ZMAT5: variants seen among roughly 807,000 people sequenced by gnomAD.
The protein encoded by ZMAT5 is zinc finger matrin-type protein 5.
ZMAT5 carries 23 observed loss-of-function variants against 28.0 expected under a neutral mutation model. That is an observed-to-expected ratio of 0.82 (90% confidence interval 0.59 to 1.16). The LOEUF (loss-of-function observed/expected upper bound fraction) is 1.16. Ranked by LOEUF, ZMAT5 falls within the 50% of genes most tolerant of loss-of-function variation. The pLI, the probability that ZMAT5 is intolerant of heterozygous loss-of-function variation, is 0.00. For missense variants in ZMAT5, 173 were observed against 212.7 expected, an observed-to-expected ratio of 0.81 and a Z score of 1.16; for synonymous variants, 76 against 84.1, an observed-to-expected ratio of 0.90 and a Z score of 0.52.
At chr22:29,749,319 C>T (rs764179158) in intron 1 of ZMAT5, among the ~76,000 whole-genome samples, 2 of 151,810 alleles carry the variant, frequency 1.3e-5, no homozygotes, top group Admixed American at 1.3e-4. Context: ...AGTGTCCTCC[C>T]GCCTTGGCCC....
At chr22:29,757,781 G>A (rs1395185173) in intron 1 of ZMAT5, among the ~76,000 whole-genome samples, 1 of 152,210 alleles carries the variant, frequency 6.6e-6, no homozygotes, top group African/African-American at 2.4e-5. Context: ...ACTTTGGGAG[G>A]CCAAGGCGGG....
intron 2 of ZMAT5, chr22:29,746,484 C>T (rs959001562): frequency 1.3e-5 from 2 of 152,122 alleles, no homozygotes; most frequent in African/African-American, 4.8e-5. Flanking sequence ...TGGGGTTTCA[C>T]TATGTTGCCC....
intron 1 of ZMAT5, among the ~76,000 whole-genome samples, chr22:29,759,285 C>T (rs572409810): frequency 6.6e-6 from 1 of 152,288 alleles, no homozygotes; most frequent in African/African-American, 2.4e-5. Context: ...CGAGTCTGGG[C>T]ACCAAATATC....
At position 29,740,883 on chromosome 22, in the gene ZMAT5, C is replaced by T. The variant is rs532498031; in HGVS notation, c.191-153G>A. Among the ~76,000 whole-genome samples the T allele has an allele frequency of 1.1e-3, 164 of 152,296 alleles. 2 individuals carry two copies. Among genetic ancestry groups the T allele is most frequent in the African/African-American group, 3.9e-3 (161 of 41,566 alleles). On this transcript the variant is annotated intron_variant, in intron 3 of 5. Coordinates refer to ENST00000344318, the MANE Select transcript of ZMAT5 (RefSeq NM_001003692.2). The stretch of plus-strand genomic sequence containing the variant: ...TCCGGGACAGAAAATGGAATCTCTC[C>T]GGCCCTGCCCATTCAGCAGCCAGAG...
chr22:29,759,788 C>T (rs757660056), intron 1 of ZMAT5, among the ~76,000 whole-genome samples: 4 of 151,168 alleles, frequency 2.6e-5, no homozygotes, highest in East Asian at 3.9e-4. Context: ...AAAAGGGGGC[C>T]GGGCATGGTG....
chr22:29,748,052 C>T (rs976238991), intron 2 of ZMAT5: 5 of 353,208 alleles, frequency 1.4e-5, no homozygotes, highest in Non-Finnish European at 2.8e-5. Context: ...CCCTGGCCTG[C>T]TCCGCCCAGC....
At chr22:29,744,455 G>A (rs1477745472) in intron 2 of ZMAT5, among the ~76,000 whole-genome samples, 1 of 152,012 alleles carries the variant, frequency 6.6e-6, no homozygotes, top group Non-Finnish European at 1.5e-5. Flanking sequence ...CCAGCAGGGT[G>A]GGGAGGGTCT....
intron 4 of ZMAT5, among the ~76,000 whole-genome samples, 188 bp downstream of exon 4, chr22:29,740,462 C>T (rs1400024938): frequency 6.6e-6 from 1 of 152,156 alleles, no homozygotes; most frequent in Non-Finnish European, 1.5e-5. Context: ...GGCCTGCCTT[C>T]TCCACTCATG....
intron 2 of ZMAT5, among the ~76,000 whole-genome samples, chr22:29,742,937 G>A (rs2067977055): frequency 6.6e-6 from 1 of 152,036 alleles, no homozygotes; most frequent in Admixed American, 6.6e-5. Context: ...GACTACAGCT[G>A]TGCACCACCA....
chr22:29,760,544 C>CA (rs1036203577), intron 1 of ZMAT5, among the ~76,000 whole-genome samples: 4 of 151,942 alleles, frequency 2.6e-5, no homozygotes, highest in Admixed American at 6.6e-5. Context: ...GTCTCAAAAA[C>CA]AAAAAAATAG....
At position 29,732,597 on chromosome 22, in the gene ZMAT5, G is replaced by A. The variant is rs146914361; in HGVS notation, c.384-1243C>T. On this transcript the variant is annotated intron_variant, in intron 5 of 5. Coordinates refer to ENST00000344318, the MANE Select transcript of ZMAT5 (RefSeq NM_001003692.2). ...CTAAAAGTACAAAAAAAAATTAGCC[G>A]GGTGTGGTGGGGGGCACCTGTAGTC... 1.0e-2 allele frequency among the ~76,000 whole-genome samples: 1,516 copies of A among 152,082 alleles called. 23 individuals are homozygous for A. Among genetic ancestry groups the A allele is most frequent in the African/African-American group, 0.034 (1,423 of 41,478 alleles).
intron 2 of ZMAT5, among the ~76,000 whole-genome samples, chr22:29,743,873 G>C (rs370950007): frequency 9.1e-4 from 139 of 152,316 alleles, no homozygotes; most frequent in African/African-American, 3.3e-3. Context: ...CCCAGGGGAG[G>C]GGAGAGGCAA....
intron 2 of ZMAT5, among the ~76,000 whole-genome samples, chr22:29,744,853 A>G (rs538722699): frequency 2.0e-5 from 3 of 152,344 alleles, no homozygotes; most frequent in East Asian, 1.9e-4. Context: ...AAGTGTACTC[A>G]GGGTTGAGAA....
In ZMAT5 at chr22:29,761,682, G is replaced by A. The variant is rs181791763; in HGVS notation, c.-28+5190C>T. On this transcript the variant is annotated intron_variant, in intron 1 of 5. Transcript: ENST00000344318. ...AATGCCTAAAACAAAAAAAGTATCT[G>A]TAATATTGAAAAAAAAATGTGATAT... Among the ~76,000 whole-genome samples the A allele has an allele frequency of 2.9e-3, 447 of 151,956 alleles. 1 individual carries two copies. Among genetic ancestry groups the A allele is most frequent in the African/African-American group, 0.01 (427 of 41,440 alleles).
chr22:29,738,317 T>C lies in ZMAT5; in HGVS notation c.383+13A>G. 1.2e-6 allele frequency: 2 copies of C among 1,606,764 alleles called. No individual in the cohort carries two copies. Among genetic ancestry groups the C allele is most frequent in the Non-Finnish European group, 1.7e-6 (2 of 1,179,120 alleles). ...CAGGGGGCACAGCGGGAGGGAACCCTGGGGACCTGTACCTGCTACTTGGGG... is the reference window on the plus strand; with the variant it reads ...CAGGGGGCACAGCGGGAGGGAACCCCGGGGACCTGTACCTGCTACTTGGGG... On this transcript the variant is annotated intron_variant, in intron 5 of 5. Coordinates refer to ENST00000344318, the MANE Select transcript of ZMAT5 (RefSeq NM_001003692.2).
rs1002301493 is a variant in ZMAT5, at chr22:29,761,490, G to T, written c.-28+5382C>A. ...GGTCCCAGCTACTACTGCTCAAGAG[G>T]TTGAGGTAGGAGGATCGCTTGAGCC... On this transcript the variant is annotated intron_variant, in intron 1 of 5. Transcript: ENST00000344318. Among the ~76,000 whole-genome samples, 21 of 151,658 alleles carry T rather than the reference G, an allele frequency of 1.4e-4. 4 individuals are homozygous for T. Among genetic ancestry groups the T allele is most frequent in the Admixed American group, 1.2e-3 (18 of 15,206 alleles).
At chr22:29,735,199 G>A (rs530570220) in intron 5 of ZMAT5, among the ~76,000 whole-genome samples, 9 of 152,310 alleles carry the variant, frequency 5.9e-5, no homozygotes, top group South Asian at 2.1e-4. Context: ...CAGCCTGCCC[G>A]GAGACAGTTA....
chr22:29,751,646 T>C (rs2068056129), intron 1 of ZMAT5, among the ~76,000 whole-genome samples: 1 of 152,298 alleles, frequency 6.6e-6, no homozygotes, highest in Non-Finnish European at 1.5e-5. Context: ...CCCGCTGGGC[T>C]TGGAATCCAG....
At chr22:29,740,815 T>A in intron 3 of ZMAT5, 85 bp from the exon 4 acceptor site, 1 of 1,274,772 alleles carries the variant, frequency 7.8e-7, no homozygotes, top group Admixed American at 2.0e-5. Context: ...GATCCCAGAA[T>A]CTTAGGGGCA....
Sources: allele counts gnomAD v4.1 joint callset (sites outside exome capture counted in the v4.1 genomes callset), GRCh38; gene constraint gnomAD v4.1.1; transcripts MANE v1.5; gene names NCBI Gene and HGNC (gene_info 2026-07-23, HGNC 2026-07-21).